MEX3C: variants seen among roughly 807,000 people sequenced by gnomAD.
MEX3C encodes the protein mex-3 RNA binding family member C, also known as RNA-binding E3 ubiquitin-protein ligase MEX3C.
In MEX3C, 15 loss-of-function variants were observed where a neutral mutation model predicts 35.5. The observed-to-expected ratio is 0.42, with a 90% confidence interval of 0.28 to 0.65. MEX3C has a LOEUF of 0.65. Ranked by LOEUF, MEX3C falls within the 30% of genes least tolerant of loss-of-function variation. MEX3C has a pLI of 0.20. For missense variants in MEX3C, 711 were observed against 842.8 expected (o/e 0.84, Z 1.94); for synonymous variants, 390 against 352.8 (o/e 1.11, Z -1.18).
rs916614296 is a variant in MEX3C, at chr18:51,196,702, G to A, written c.619C>T (p.Pro207Ser). The A allele has an allele frequency of 1.2e-5, 19 of 1,539,980 alleles. No homozygotes were observed. Among genetic ancestry groups the A allele is most frequent in the Non-Finnish European group, 1.6e-5 (18 of 1,148,020 alleles). ...MAAMLSHAYGPGGCGAAAAAL... is the reference protein window; with the variant it reads ...MAAMLSHAYGSGGCGAAAAAL... ...GCCGCCGCCGCCCCACAACCGCCGG[G>A]GCCGTAGGCGTGGGACAGCATCGCC... The change falls in exon 1 of 2, where the codon CCC becomes TCC. Residue 207 changes from proline (P) to serine (S), a missense_variant. Transcript: ENST00000406189.
intron 1 of MEX3C, among the ~76,000 whole-genome samples, chr18:51,185,876 A>G (rs1315560779): frequency 7.5e-6 from 1 of 133,708 alleles, no homozygotes; most frequent in African/African-American, 2.5e-5. Context: ...CCTGGGCAAC[A>G]TAGTGAGACC....
intron 1 of MEX3C, among the ~76,000 whole-genome samples, chr18:51,186,024 C>T (rs1912530007): frequency 6.6e-6 from 1 of 152,168 alleles, no homozygotes; most frequent in African/African-American, 2.4e-5. Context: ...GTACGTGATA[C>T]ACAGTAAAAG....
At chr18:51,189,245 C>A (rs1912604209) in intron 1 of MEX3C, among the ~76,000 whole-genome samples, 1 of 152,138 alleles carries the variant, frequency 6.6e-6, no homozygotes, top group African/African-American at 2.4e-5. Context: ...TTTGCAAAGT[C>A]AATCTAACTG....
Position 51,196,326 on chromosome 18 carries a change from A to G in MEX3C, c.754+241T>C, listed in dbSNP as rs774150006. 747 of 870,788 alleles carry G rather than the reference A, an allele frequency of 8.6e-4. 1 individual carries two copies. Among genetic ancestry groups the G allele is most frequent in the Non-Finnish European group, 1.1e-3 (649 of 599,134 alleles). 53.9% of individuals were successfully genotyped at this position (870,788 alleles called of 1,614,324 possible). ...ATACAGCCCAAGTAACGTGAACACC[A>G]CCGGACTGGGTCGCCCGAGAAACTT... On this transcript the variant is annotated intron_variant, in intron 1 of 1. Coordinates refer to ENST00000406189, the MANE Select transcript of MEX3C (RefSeq NM_016626.5).
chr18:51,190,646 C>T (rs8098625), intron 1 of MEX3C, among the ~76,000 whole-genome samples: 1,537 of 152,096 alleles, frequency 0.01, 30 homozygotes, highest in African/African-American at 0.036. Context: ...CCTTACATCT[C>T]AAACACTGGC....
In MEX3C at chr18:51,197,015, C is replaced by G; in HGVS notation, c.306G>C (p.Glu102Asp). ...CCTCTTCCAGCTCCAGCTCGGCCGC[C>G]TCCGGGGCCCCGGGCCGGCCGGGCG... ...RAPPGRPGAP[E>D]AAELELEEDE... Residue 102 changes from glutamate (E) to aspartate (D), a missense_variant, in exon 1 of 2, where the codon GAG (glutamate) becomes GAC (aspartate). Glu to Asp is a conservative substitution (Grantham distance 45). Around this residue, in one of 4 missense-constraint regions of MEX3C, gnomAD observed 354 missense variants for 311.6 expected, o/e 1.14. Transcript: ENST00000406189. The G allele has an allele frequency of 6.6e-7, 1 of 1,525,100 alleles. No individual in the cohort carries two copies. Among genetic ancestry groups the G allele is most frequent in the Non-Finnish European group, 8.8e-7 (1 of 1,140,670 alleles). The allele number at this position is 1,525,100 out of a possible 1,614,324, so 94.5% of individuals were successfully genotyped here.
chr18:51,181,841 C>T (rs1912439716), intron 1 of MEX3C, among the ~76,000 whole-genome samples: 1 of 151,954 alleles, frequency 6.6e-6, no homozygotes, highest in Non-Finnish European at 1.5e-5. Flanking sequence ...ATACACATTA[C>T]TTTTTCAAAT....
chr18:51,181,259 A>G (rs564018076), intron 1 of MEX3C, among the ~76,000 whole-genome samples: 20 of 152,312 alleles, frequency 1.3e-4, no homozygotes, highest in African/African-American at 4.8e-4. Context: ...TAAAATATTT[A>G]TAACATTATT....
intron 1 of MEX3C, 181 bp downstream of exon 1, chr18:51,196,386 G>C (rs1180200463): frequency 7.5e-7 from 1 of 1,331,150 alleles, no homozygotes; most frequent in South Asian, 1.5e-5. Context: ...GCGGAAAAGC[G>C]TGGGTTTTCG....
At chr18:51,186,717 T>G (rs547670694) in intron 1 of MEX3C, among the ~76,000 whole-genome samples, 1 of 152,286 alleles carries the variant, frequency 6.6e-6, no homozygotes, top group Admixed American at 6.5e-5. Context: ...AGAAAAATGC[T>G]GAGAACAAAG....
chr18:51,184,551 G>T (rs1027872410), intron 1 of MEX3C, among the ~76,000 whole-genome samples: 1 of 152,130 alleles, frequency 6.6e-6, no homozygotes, highest in African/African-American at 2.4e-5. Flanking sequence ...AGTCTCTCAA[G>T]AATTATTGTA....
rs1182072333 is a variant in MEX3C, at chr18:51,177,130, G to A, written c.1201C>T (p.Leu401Phe). 4 of 1,613,780 alleles carry A rather than the reference G, an allele frequency of 2.5e-6. No homozygotes were observed. Among genetic ancestry groups the A allele is most frequent in the African/African-American group, 1.3e-5 (1 of 74,916 alleles). Residue 401 changes from leucine to phenylalanine, a missense_variant, in exon 2 of 2, where the codon CTC (leucine) becomes TTC (phenylalanine). By Grantham distance (22) the Leu-to-Phe change is conservative (BLOSUM62 0). Around this residue, in one of 4 missense-constraint regions of MEX3C, gnomAD observed 187 missense variants for 201.7 expected, o/e 0.93. Coordinates refer to ENST00000406189, the MANE Select transcript of MEX3C (RefSeq NM_016626.5). The surrounding 1 kb of genome is among the most constrained non-coding windows in gnomAD (Gnocchi z 4.2). The stretch of plus-strand genomic sequence containing the variant: ...TAATGGAAATCATTCTCTTCATTGA[G>A]CTCTATATAGTTTCCTGTACGCATG... ...IAMRTGNYIE[L>F]NEENDFHYNG...
rs968906531 is a variant in MEX3C, at chr18:51,197,340, TGGC to T, written c.-23_-21del. 1.1e-4 allele frequency: 39 copies of T among 359,464 alleles called. No homozygotes were observed. Among genetic ancestry groups the T allele is most frequent in the South Asian group, 3.1e-4 (3 of 9,678 alleles). 22.3% of individuals were successfully genotyped at this position (359,464 alleles called of 1,614,324 possible). On this transcript the variant is annotated 5_prime_UTR_variant, in exon 1 of 2. Coordinates refer to ENST00000406189, the MANE Select transcript of MEX3C (RefSeq NM_016626.5). The stretch of plus-strand genomic sequence containing the variant: ...GGGCATCGCGGCGGCGCGCTGTCAA[TGGC>T]GGCGGCGGCGGCCGGGTCAGGCGCG...
intron 1 of MEX3C, among the ~76,000 whole-genome samples, chr18:51,181,928 T>C (rs1168385260): frequency 1.3e-5 from 2 of 152,236 alleles, no homozygotes; most frequent in African/African-American, 4.8e-5. Flanking sequence ...AGCATATTGA[T>C]TAGACGTTTG....
At position 51,177,263 on chromosome 18, in the gene MEX3C, G is replaced by C; in HGVS notation, c.1068C>G (p.Thr356=). Residue 356 remains threonine, a synonymous_variant, in exon 2 of 2, where the codon ACC becomes ACG. Transcript: ENST00000406189. This position sits in a 1 kb window ranked among gnomAD's most constrained non-coding sequence, Gnocchi z 4.2. ...GATIKRIQQQ[T]HTYIVTPSRD... is the part of the protein sequence containing the mutation. ...TGCTCGGAGTTACTATGTAGGTGTG[G>C]GTCTGCTGCTGAATTCTTTTAATAG... is the stretch of plus-strand genomic sequence containing the variant. 2 of 1,613,898 alleles carry C rather than the reference G, an allele frequency of 1.2e-6. No homozygotes were observed. Among genetic ancestry groups the C allele is most frequent in the Admixed American group, 1.7e-5 (1 of 60,006 alleles).
In MEX3C at chr18:51,177,051, G is replaced by A; in HGVS notation, c.1280C>T (p.Ser427Phe). ...EGGTLGSAWL[S>F]SNPVPPSRAR... ...GCGGCTAGGAGGAACAGGATTGGAG[G>A]AGAGCCACGCAGAGCCAAGAGTGCC... Residue 427 changes from serine to phenylalanine, a missense_variant, in exon 2 of 2, where the codon TCC becomes TTC. Ser to Phe is a radical substitution (Grantham distance 155). Transcript: ENST00000406189. This position sits in a 1 kb window ranked among gnomAD's most constrained non-coding sequence, Gnocchi z 4.2. 1.2e-6 allele frequency: 2 copies of A among 1,614,018 alleles called. No homozygotes were observed. Among genetic ancestry groups the A allele is most frequent in the Non-Finnish European group, 1.7e-6 (2 of 1,179,904 alleles).
chr18:51,186,277 A>C (rs1275738988), intron 1 of MEX3C, among the ~76,000 whole-genome samples: 1 of 152,236 alleles, frequency 6.6e-6, no homozygotes. Flanking sequence ...AACCGGTTTA[A>C]AGGTACCTAC....
At position 51,178,202 on chromosome 18, in the gene MEX3C, G is replaced by A. The variant is rs774022264; in HGVS notation, c.755-626C>T. On this transcript the variant is annotated intron_variant, in intron 1 of 1. Transcript: ENST00000406189. The stretch of plus-strand genomic sequence containing the variant: ...GCTCCATTTAAAAGAAACAGATACT[G>A]CAGATTGTATGGAATGTGGGTGCTG... 6.0e-4 allele frequency among the ~76,000 whole-genome samples: 91 copies of A among 152,264 alleles called. 2 individuals carry two copies. The Middle Eastern group carries it at 0.02, about 34-fold the overall frequency.
At position 51,196,707 on chromosome 18, in the gene MEX3C, T is replaced by C. The variant is rs1239083899; in HGVS notation, c.614A>G (p.Tyr205Cys). 7 of 1,538,260 alleles carry C rather than the reference T, an allele frequency of 4.6e-6. No individual in the cohort carries two copies. The highest frequency in any genetic ancestry group is 4.1e-5 in the African/African-American group (3 of 72,554). The change falls in exon 1 of 2, where the codon TAC becomes TGC. Residue 205 changes from tyrosine (Y) to cysteine (C), a missense_variant. Physicochemically the swap from Tyr to Cys is radical, Grantham distance 194 (BLOSUM62 -2). Coordinates refer to ENST00000406189, the MANE Select transcript of MEX3C (RefSeq NM_016626.5). ...GMMAAMLSHA[Y>C]GPGGCGAAAA... ...CGCCGCCCCACAACCGCCGGGGCCG[T>C]AGGCGTGGGACAGCATCGCCGCCAT...
Sources: gnomAD v4.1 joint callset for allele counts (sites outside exome capture counted in the v4.1 genomes callset) on GRCh38, gnomAD v4.1.1 for gene constraint, gnomAD v4.1.1 regional missense constraint, Gnocchi (gnomAD v3.1) non-coding constraint, MANE v1.5 for transcripts, NCBI Gene and HGNC (gene_info 2026-07-23, HGNC 2026-07-21) for gene names.